Variants in SMC3 observed in about 807,000 individuals in gnomAD.
SMC3 encodes structural maintenance of chromosomes 3.
Under a neutral mutation model 171.8 loss-of-function variants are expected in SMC3, and 20 were observed. The ratio of observed to expected loss-of-function variants is 0.12; its 90% CI spans 0.08 to 0.17. The LOEUF is 0.17. Ranked by LOEUF, SMC3 falls within the 10% of genes least tolerant of loss-of-function variation. The pLI is 1.00. For synonymous variants in SMC3, 464 were observed against 451.1 expected, an observed-to-expected ratio of 1.03 and a Z score of -0.36; for missense variants, 543 against 1,420.4, an observed-to-expected ratio of 0.38 and a Z score of 9.93.
intron 20 of SMC3, among the ~76,000 whole-genome samples, chr10:110,599,068 C>T (rs150952577): frequency 1.6e-3 from 248 of 151,134 alleles, no homozygotes; most frequent in African/African-American, 5.4e-3. Context: ...GATGTGCCTA[C>T]AGTTGTACCA....
chr10:110,589,779 G>A (rs746304127), intron 14 of SMC3, 71 bp downstream of exon 14: 46 of 1,432,006 alleles, frequency 3.2e-5, no homozygotes, highest in Non-Finnish European at 4.5e-5. Context: ...TGGTCTTTAA[G>A]TTACAAGTTA....
At chr10:110,592,971 G>T (rs112770247) in intron 17 of SMC3, 102 bp from the exon 18 acceptor site, 17 of 966,232 alleles carry the variant, frequency 1.8e-5, no homozygotes, top group African/African-American at 1.4e-4. Context: ...AAATATAATG[G>T]TGTTTATGGT....
At chr10:110,574,030 G>A (rs1860911724) in intron 3 of SMC3, among the ~76,000 whole-genome samples, 1 of 151,990 alleles carries the variant, frequency 6.6e-6, no homozygotes, top group African/African-American at 2.4e-5. Flanking sequence ...TACCTTAGAT[G>A]GTTTGTAAGA....
In SMC3 at chr10:110,589,876, A is replaced by G; in HGVS notation, c.1410-16A>G. ...ATGTGTTTAAAATTAAAGACAGTCT[A>G]CTTTTTATTTATTAGCTACTTGTGG... On this transcript the variant is annotated splice_polypyrimidine_tract_variant and intron_variant, in intron 14 of 28. Coordinates refer to ENST00000361804, the MANE Select transcript of SMC3 (RefSeq NM_005445.4). The G allele has an allele frequency of 6.2e-7, 1 of 1,608,044 alleles. No individual in the cohort carries two copies. The highest frequency in any genetic ancestry group is 8.5e-7 in the Non-Finnish European group (1 of 1,174,616).
chr10:110,588,022 C>T lies in SMC3; in HGVS notation c.1306-1583C>T, dbSNP rs567831734. ...TCCAAGATTTTTTGAGACAGAGTCTCGCTGTGTCACCAGGTTGGAGTGCAG... is the reference window on the plus strand; with the variant it reads ...TCCAAGATTTTTTGAGACAGAGTCTTGCTGTGTCACCAGGTTGGAGTGCAG... On this transcript the variant is annotated intron_variant, in intron 13 of 28. Transcript: ENST00000361804. Among the ~76,000 whole-genome samples, 156 of 152,264 alleles carry T rather than the reference C, an allele frequency of 1.0e-3. 1 individual carries two copies. Among genetic ancestry groups the T allele is most frequent in the Middle Eastern group, 0.01 (3 of 294 alleles).
intron 22 of SMC3, 51 bp downstream of exon 22, chr10:110,600,597 C>G (rs375804644): frequency 2.2e-6 from 2 of 912,014 alleles, no homozygotes; most frequent in African/African-American, 3.3e-5. Context: ...GTGGCCATGA[C>G]CTATTGCAAG....
intron 18 of SMC3, among the ~76,000 whole-genome samples, chr10:110,593,767 A>G (rs1446096979): frequency 6.6e-6 from 1 of 151,974 alleles, no homozygotes; most frequent in Non-Finnish European, 1.5e-5. Context: ...GCAGGTGGAT[A>G]ACTTGAGGAG....
intron 18 of SMC3, among the ~76,000 whole-genome samples, chr10:110,594,620 A>G (rs1453059819): frequency 6.6e-6 from 1 of 152,154 alleles, no homozygotes; most frequent in Non-Finnish European, 1.5e-5. Context: ...TTTGAAATCC[A>G]GGTTAAGAAC....
intron 8 of SMC3, 133 bp from the exon 9 acceptor site, chr10:110,581,790 T>G: frequency 1.1e-6 from 1 of 906,354 alleles, no homozygotes; most frequent in Non-Finnish European, 1.7e-6. Flanking sequence ...GTATTTTAAA[T>G]TGGGTTACCA....
In SMC3 at chr10:110,577,696, G is replaced by A. The variant is rs1010886727; in HGVS notation, c.271-139G>A. 33 of 701,038 alleles carry A rather than the reference G, an allele frequency of 4.7e-5. No homozygotes were observed. In the African/African-American group the frequency reaches 4.9e-4, roughly 10 times the overall value. The allele number at this position is 701,038 out of a possible 1,614,324, so 43.4% of individuals were successfully genotyped here. Reference sequence around the variant, plus strand: ...AAAGTGTCTTGGTTAAGAGTATTGAGTATTTGTAGTATTATTTTTAGTGAG... The same window carrying A: ...AAAGTGTCTTGGTTAAGAGTATTGAATATTTGTAGTATTATTTTTAGTGAG... On this transcript the variant is annotated intron_variant, in intron 5 of 28. Coordinates refer to ENST00000361804, the MANE Select transcript of SMC3 (RefSeq NM_005445.4).
intron 23 of SMC3, 65 bp from the exon 24 acceptor site, chr10:110,601,572 T>C (rs1446235630): frequency 4.6e-6 from 7 of 1,525,136 alleles, no homozygotes; most frequent in African/African-American, 1.4e-5. Context: ...CATAAAAATC[T>C]ATACTCAACA....
chr10:110,599,800 T>C lies in SMC3; in HGVS notation c.2415T>C (p.Arg805=). ...TAGATGCACTGAATGATGAGATTCG[T>C]CAACTTCAGCAGGTAAGTAGACAGC... ...KRVDALNDEI[R]QLQQENRQLL... The change falls in exon 21 of 29, where the codon CGT becomes CGC. Residue 805 remains arginine, a synonymous_variant. Coordinates refer to ENST00000361804, the MANE Select transcript of SMC3 (RefSeq NM_005445.4). 1 of 1,614,034 alleles carries C rather than the reference T, an allele frequency of 6.2e-7. No individual in the cohort carries two copies. The highest frequency in any genetic ancestry group is 8.5e-7 in the Non-Finnish European group (1 of 1,179,984).
chr10:110,594,109 T>TTTGGTAG (rs11283241), intron 18 of SMC3, among the ~76,000 whole-genome samples: 1 of 151,674 alleles, frequency 6.6e-6, no homozygotes, highest in African/African-American at 2.4e-5. Flanking sequence ...AATGTGATCA[T>TTTGGTAG]ATAGCAGGGG....
At chr10:110,581,154 T>C in intron 8 of SMC3, 133 bp downstream of exon 8, 2 of 702,450 alleles carry the variant, frequency 2.8e-6, no homozygotes, top group South Asian at 3.0e-5. Context: ...TAATAAAAAT[T>C]GAGAATCCAT....
chr10:110,590,648 G>T, intron 16 of SMC3, 76 bp downstream of exon 16: 4 of 1,248,854 alleles, frequency 3.2e-6, no homozygotes, highest in Non-Finnish European at 4.7e-6. Context: ...TGTAGTTTTT[G>T]TACAACATAT....
chr10:110,602,822 T>TAGGTGTCATTTACAGGAAAACA lies in SMC3; in HGVS notation c.3301_3322dup. Reference sequence around the variant, plus strand: ...TATTAACTCATAATATGTTTATTTTTAGGTGTCATTTACAGGAAAACAAGG... The same window carrying TAGGTGTCATTTACAGGAAAACA: ...TATTAACTCATAATATGTTTATTTTTAGGTGTCATTTACAGGAAAACAAGGTGTCATTTACAGGAAAACAAGG... On this transcript the variant is annotated splice_region_variant and splice_polypyrimidine_tract_variant and intron_variant, in intron 26 of 28. Coordinates refer to ENST00000361804, the MANE Select transcript of SMC3 (RefSeq NM_005445.4). 6.2e-7 allele frequency: 1 copy of TAGGTGTCATTTACAGGAAAACA among 1,613,542 alleles called. No homozygotes were observed. Among genetic ancestry groups the TAGGTGTCATTTACAGGAAAACA allele is most frequent in the Non-Finnish European group, 8.5e-7 (1 of 1,179,480 alleles).
At chr10:110,567,869 G>T in intron 1 of SMC3, 38 bp downstream of exon 1, 3 of 1,612,340 alleles carry the variant, frequency 1.9e-6, no homozygotes, top group Non-Finnish European at 2.5e-6. Context: ...TCATGGGCCG[G>T]TAAGGGCCGC....
At chr10:110,574,628 G>A (rs1446006271) in intron 3 of SMC3, among the ~76,000 whole-genome samples, 2 of 152,200 alleles carry the variant, frequency 1.3e-5, no homozygotes, top group African/African-American at 4.8e-5. Context: ...ACCTCGACCT[G>A]TGTCCACAGC....
At chr10:110,589,117 C>T (rs1861167547) in intron 13 of SMC3, among the ~76,000 whole-genome samples, 1 of 152,066 alleles carries the variant, frequency 6.6e-6, no homozygotes, top group Admixed American at 6.5e-5. Context: ...GGGCCGGGCG[C>T]AGTGTCTCAC....
Sources: allele counts gnomAD v4.1 joint callset (sites outside exome capture counted in the v4.1 genomes callset), GRCh38; gene constraint gnomAD v4.1.1; transcripts MANE v1.5; gene names NCBI Gene and HGNC (gene_info 2026-07-23, HGNC 2026-07-21).